FHIT: variants seen among roughly 807,000 people sequenced by gnomAD.
FHIT encodes fragile histidine triad diadenosine triphosphatase.
In FHIT, 19 loss-of-function variants were observed where a neutral mutation model predicts 17.9. That is an observed-to-expected ratio of 1.06 (90% CI 0.74 to 1.56). The LOEUF (loss-of-function observed/expected upper bound fraction) is 1.56, where lower values mean the gene tolerates loss of function less well. FHIT is among the 40% of genes most tolerant of loss of function. The pLI is 0.00. For synonymous variants in FHIT, 81 were observed against 69.7 expected (o/e 1.16, Z -0.81); for missense variants, 248 against 189.2 (o/e 1.31, Z -1.82).
intron 7 of FHIT, among the ~76,000 whole-genome samples, chr3:60,001,523 T>G (rs1455929782): frequency 6.6e-6 from 1 of 152,112 alleles, no homozygotes; most frequent in Non-Finnish European, 1.5e-5. Flanking sequence ...AACAGACTAC[T>G]TTGGTAGTGA....
At position 60,536,897 on chromosome 3, in the gene FHIT, G is replaced by A. The variant is rs1440374703; in HGVS notation, c.66C>T (p.Ser22=). 4 of 1,613,072 alleles carry A rather than the reference G, an allele frequency of 2.5e-6. No individual in the cohort carries two copies. Among genetic ancestry groups the A allele is most frequent in the African/African-American group, 1.3e-5 (1 of 74,884 alleles). ...CAGGTTTCCTATTCACAAGAGCGAA[G>A]GACAGTTCTGTTTTGAGAAACACTA... The part of the protein sequence containing the change: ...PSVVFLKTEL[S]FALVNRKPVV... Residue 22 remains serine, a synonymous_variant, in exon 5 of 10, where the codon TCC becomes TCT. Transcript: ENST00000492590.
intron 5 of FHIT, among the ~76,000 whole-genome samples, chr3:60,091,420 C>T (rs746693975): frequency 6.6e-6 from 1 of 152,244 alleles, no homozygotes; most frequent in Non-Finnish European, 1.5e-5. Context: ...CAGATGGCTG[C>T]CACTTGTTGG....
intron 4 of FHIT, among the ~76,000 whole-genome samples, chr3:60,711,524 T>G (rs1273191499): frequency 1.9e-4 from 29 of 152,092 alleles, no homozygotes; most frequent in African/African-American, 7.0e-4. Context: ...TTGAAAACTT[T>G]GAAAAAAATT....
At chr3:60,509,861 C>A (rs1488105835) in intron 5 of FHIT, among the ~76,000 whole-genome samples, 1 of 152,068 alleles carries the variant, frequency 6.6e-6, no homozygotes, top group Non-Finnish European at 1.5e-5. Context: ...TTTTCATTGT[C>A]TTACAGTTTT....
At chr3:60,630,112 A>G (rs930269504) in intron 4 of FHIT, among the ~76,000 whole-genome samples, 1 of 152,184 alleles carries the variant, frequency 6.6e-6, no homozygotes, top group Non-Finnish European at 1.5e-5. Context: ...CCTGACTCCT[A>G]TGTCCTAAAG....
intron 3 of FHIT, among the ~76,000 whole-genome samples, chr3:60,964,272 T>C (rs1229717622): frequency 2.0e-5 from 3 of 152,130 alleles, no homozygotes; most frequent in Admixed American, 2.0e-4. Flanking sequence ...GTTTTTTTTT[T>C]TCCATTTGCT....
intron 5 of FHIT, among the ~76,000 whole-genome samples, chr3:60,214,103 T>C (rs1703584178): frequency 6.6e-6 from 1 of 152,182 alleles, no homozygotes; most frequent in African/African-American, 2.4e-5. Flanking sequence ...TTCCAGGCCC[T>C]ACCCTCACTA....
intron 4 of FHIT, among the ~76,000 whole-genome samples, chr3:60,812,313 T>A (rs1553736336): frequency 6.6e-6 from 1 of 151,572 alleles, no homozygotes; most frequent in East Asian, 2.0e-4. Context: ...CCAAGCAGCA[T>A]CATGCCTGGC....
intron 5 of FHIT, among the ~76,000 whole-genome samples, chr3:60,099,615 G>T (rs1426612426): frequency 6.6e-6 from 1 of 152,096 alleles, no homozygotes; most frequent in African/African-American, 2.4e-5. Context: ...TGAGGTGTAA[G>T]CCCTCCTTAC....
chr3:60,491,406 T>C (rs1359094127), intron 5 of FHIT, among the ~76,000 whole-genome samples: 2 of 150,880 alleles, frequency 1.3e-5, no homozygotes, highest in Admixed American at 6.6e-5. Context: ...TATTTTCTAA[T>C]TGTAAACTGG....
chr3:60,255,466 G>C (rs905992699), intron 5 of FHIT, among the ~76,000 whole-genome samples: 2 of 151,976 alleles, frequency 1.3e-5, no homozygotes, highest in African/African-American at 4.8e-5. Context: ...AGGGAGTAGT[G>C]GGAACTGCAG....
At chr3:60,548,668 G>A (rs931555611) in intron 4 of FHIT, among the ~76,000 whole-genome samples, 1 of 152,154 alleles carries the variant, frequency 6.6e-6, no homozygotes, top group Non-Finnish European at 1.5e-5. Context: ...CTTGAGAGTT[G>A]TAAGAAATGT....
chr3:60,374,833 G>T (rs1029896034), intron 5 of FHIT, among the ~76,000 whole-genome samples: 1 of 152,042 alleles, frequency 6.6e-6, no homozygotes, highest in Non-Finnish European at 1.5e-5. Context: ...AGTCTATTAA[G>T]TAGAAGAGAC....
chr3:61,201,173 G>C (rs973471891), intron 1 of FHIT, among the ~76,000 whole-genome samples: 1 of 152,062 alleles, frequency 6.6e-6, no homozygotes, highest in Non-Finnish European at 1.5e-5. Flanking sequence ...ATGATTACAG[G>C]GACAATCACC....
chr3:60,489,011 G>T (rs1361133933), intron 5 of FHIT, among the ~76,000 whole-genome samples: 1 of 152,156 alleles, frequency 6.6e-6, no homozygotes, highest in East Asian at 1.9e-4. Context: ...CATGGGTCAA[G>T]GATTGAACCA....
At chr3:59,892,014 C>T (rs1242864006) in intron 8 of FHIT, among the ~76,000 whole-genome samples, 2 of 152,296 alleles carry the variant, frequency 1.3e-5, no homozygotes, top group East Asian at 3.9e-4. Flanking sequence ...GCTACAGATG[C>T]CATTCGACAA....
intron 5 of FHIT, among the ~76,000 whole-genome samples, chr3:60,077,729 C>CACACACATATATATAT (rs1559611496): frequency 1.5e-5 from 1 of 67,188 alleles, no homozygotes; most frequent in African/African-American, 4.9e-5. Flanking sequence ...CACACACACA[C>CACACACATATATATAT]ATATATAGAG....
intron 5 of FHIT, among the ~76,000 whole-genome samples, chr3:60,490,294 T>C (rs1444516828): frequency 6.6e-6 from 1 of 152,146 alleles, no homozygotes; most frequent in African/African-American, 2.4e-5. Flanking sequence ...TAGACATCGT[T>C]ACTGCTTCAA....
intron 4 of FHIT, among the ~76,000 whole-genome samples, chr3:60,598,245 G>A (rs1035336901): frequency 6.6e-6 from 1 of 152,036 alleles, no homozygotes; most frequent in Non-Finnish European, 1.5e-5. Context: ...GAATAAATGT[G>A]TTCTTTGCTT....
Sources: gnomAD v4.1 joint callset for allele counts (sites outside exome capture counted in the v4.1 genomes callset) on GRCh38, gnomAD v4.1.1 for gene constraint, MANE v1.5 for transcripts, NCBI Gene and HGNC (gene_info 2026-07-23, HGNC 2026-07-21) for gene names.